CUL2: variants seen among roughly 807,000 people sequenced by gnomAD.
CUL2 encodes the protein cullin 2.
A neutral mutation model predicts 110.2 loss-of-function variants in CUL2; 22 were observed. The ratio of observed to expected loss-of-function variants is 0.20; its 90% confidence interval spans 0.14 to 0.28. The LOEUF is 0.28. Ranked by LOEUF, CUL2 falls within the 10% of genes least tolerant of loss-of-function variation. CUL2 has a pLI of 1.00. For synonymous variants in CUL2, 279 were observed against 293.2 expected (o/e 0.95, Z 0.49); for missense variants, 631 against 905.5 (o/e 0.70, Z 3.89).
chr10:35,061,779 T>TC (rs1398967886), intron 3 of CUL2, among the ~76,000 whole-genome samples: 3 of 151,488 alleles, frequency 2.0e-5, no homozygotes, highest in Non-Finnish European at 4.4e-5. Context: ...GTTTTTTTTT[T>TC]TTTTTTTTGG....
At chr10:35,093,659 C>CAAAAAAAAAAAAAAAAAAAAAAAAAAA, upstream of CUL2, among the ~76,000 whole-genome samples, 1 of 87,838 alleles carries the variant, frequency 1.1e-5, no homozygotes. Context: ...GACCTTCTCT[C>CAAAAAAAAAAAAAAAAAAAAAAAAAAA]AAAAAAAAAA....
chr10:35,076,943 T>G (rs150264249), intron 1 of CUL2, among the ~76,000 whole-genome samples: 3,591 of 152,082 alleles, frequency 0.024, 66 homozygotes, highest in Non-Finnish European at 0.038. Context: ...TCCCAGCTAC[T>G]CCGGAGGCTG....
At chr10:35,018,701 T>G (rs1164197943) in intron 17 of CUL2, among the ~76,000 whole-genome samples, 1 of 144,452 alleles carries the variant, frequency 6.9e-6, no homozygotes, top group East Asian at 2.0e-4. Context: ...AGGTGGAGGT[T>G]GCTGTGAGCC....
chr10:35,052,686 G>T (rs2086141712), intron 5 of CUL2, among the ~76,000 whole-genome samples: 1 of 152,090 alleles, frequency 6.6e-6, no homozygotes, highest in Admixed American at 6.5e-5. Context: ...ACAAGGTCAG[G>T]AGATCGAGAC....
intron 17 of CUL2, among the ~76,000 whole-genome samples, chr10:35,017,692 CA>C (rs11307339): frequency 0.4 from 50,526 of 126,454 alleles, 8,601 homozygotes; most frequent in African/African-American, 0.44. Context: ...GTATCTGTCT[CA>C]AAAAAAAAAA....
intron 1 of CUL2, among the ~76,000 whole-genome samples, chr10:35,113,048 T>G (rs2087540350): frequency 6.6e-6 from 1 of 151,248 alleles, no homozygotes; most frequent in Admixed American, 6.6e-5. Context: ...AAAAATTGGC[T>G]GGCCGGCATG....
At chr10:35,045,053 G>A (rs2085898913) in intron 6 of CUL2, among the ~76,000 whole-genome samples, 185 bp from the exon 7 acceptor site, 1 of 152,082 alleles carries the variant, frequency 6.6e-6, no homozygotes. Flanking sequence ...TAATATTCAT[G>A]ATAGTTAATG....
intron 11 of CUL2, 102 bp downstream of exon 11, chr10:35,033,064 T>G (rs1053012224): frequency 7.7e-6 from 4 of 520,914 alleles, no homozygotes; most frequent in African/African-American, 5.9e-5. Context: ...TTAATCTCCA[T>G]GTCTACATCA....
In CUL2 at chr10:35,077,610, G is replaced by A. The variant is rs545719588; in HGVS notation, c.-22-6271C>T. ...AGGCAGGCGCATTACCTGAGGTCAC[G>A]AGTTCAAGACCAGCCTGACCAACAT... On this transcript the variant is annotated intron_variant, in intron 1 of 20. Transcript: ENST00000374749. 9.9e-5 allele frequency among the ~76,000 whole-genome samples: 15 copies of A among 151,914 alleles called. No individual in the cohort carries two copies. The South Asian group carries it at 1.9e-3, about 19-fold the overall frequency.
At chr10:35,020,963 G>GTT (rs61100854) in intron 17 of CUL2, among the ~76,000 whole-genome samples, 78 of 122,506 alleles carry the variant, frequency 6.4e-4, no homozygotes, top group African/African-American at 1.8e-3. Flanking sequence ...TATTTTATGG[G>GTT]TTTTTTTTTT....
intron 1 of CUL2, among the ~76,000 whole-genome samples, chr10:35,102,799 C>T (rs1374968072): frequency 6.6e-6 from 1 of 151,262 alleles, no homozygotes; most frequent in Non-Finnish European, 1.5e-5. Context: ...AGGAGAATCG[C>T]TTGAACCTGG....
chr10:35,066,426 T>C (rs1250599829), intron 2 of CUL2, among the ~76,000 whole-genome samples: 1 of 152,052 alleles, frequency 6.6e-6, no homozygotes, highest in Non-Finnish European at 1.5e-5. Flanking sequence ...ACCTCCTGAG[T>C]AGCTGGGATT....
intron 17 of CUL2, among the ~76,000 whole-genome samples, chr10:35,020,131 A>G (rs1317825108): frequency 1.3e-5 from 2 of 152,096 alleles, no homozygotes; most frequent in Admixed American, 6.6e-5. Flanking sequence ...ACTAATTTCC[A>G]CTTTCCAGAA....
chr10:35,111,974 A>C (rs1228549635), intron 1 of CUL2, among the ~76,000 whole-genome samples: 1 of 152,188 alleles, frequency 6.6e-6, no homozygotes, highest in Non-Finnish European at 1.5e-5. Context: ...GTAGAAGAGG[A>C]GTCACTGCTC....
At chr10:35,100,693 C>G (rs1186503203) in intron 2 of CUL2, among the ~76,000 whole-genome samples, 4 of 134,596 alleles carry the variant, frequency 3.0e-5, no homozygotes, top group Non-Finnish European at 4.5e-5. Flanking sequence ...ACCCAGGAGG[C>G]AGAGGTTGCA....
At chr10:35,077,242 C>G (rs1225486062) in intron 1 of CUL2, among the ~76,000 whole-genome samples, 1 of 150,558 alleles carries the variant, frequency 6.6e-6, no homozygotes, top group Non-Finnish European at 1.5e-5. Flanking sequence ...TGAAGAGGGC[C>G]ACAAAATAGC....
intron 1 of CUL2, among the ~76,000 whole-genome samples, chr10:35,122,275 T>C (rs997280837): frequency 2.0e-5 from 3 of 152,232 alleles, no homozygotes; most frequent in Non-Finnish European, 4.4e-5. Flanking sequence ...TAAAATAGGA[T>C]AGTCATTTGA....
intron 1 of CUL2, among the ~76,000 whole-genome samples, chr10:35,075,355 T>C (rs1359675777): frequency 6.6e-6 from 1 of 152,082 alleles, no homozygotes; most frequent in African/African-American, 2.4e-5. Flanking sequence ...TACACAAGGA[T>C]GTGAAAGAGA....
chr10:35,046,039 T>C (rs898333390), intron 6 of CUL2, among the ~76,000 whole-genome samples: 2 of 152,244 alleles, frequency 1.3e-5, no homozygotes, highest in African/African-American at 4.8e-5. Context: ...TACCTTTACA[T>C]ACTAGAGTCC....
Sources: gnomAD v4.1 joint callset for allele counts (sites outside exome capture counted in the v4.1 genomes callset) on GRCh38, gnomAD v4.1.1 for gene constraint, MANE v1.5 for transcripts, NCBI Gene and HGNC (gene_info 2026-07-23, HGNC 2026-07-21) for gene names.